Variants in ANK2 observed in about 807,000 individuals in gnomAD.
ANK2 encodes ankyrin 2, also known as ankyrin-2.
In ANK2, 83 loss-of-function variants were observed where a neutral mutation model predicts 360.5. The observed-to-expected ratio is 0.23, with a 90% CI of 0.19 to 0.28. The LOEUF (loss-of-function observed/expected upper bound fraction) is 0.28. ANK2 is among the 10% of genes least tolerant of loss of function. The pLI is 1.00. For synonymous variants in ANK2, 1,740 were observed against 1,759.5 expected (o/e 0.99, Z 0.28); for missense variants, 4,201 against 4,795.7 (o/e 0.88, Z 3.66).
chr4:112,935,408 A>G (rs1362609349), intron 2 of ANK2, among the ~76,000 whole-genome samples: 2 of 152,216 alleles, frequency 1.3e-5, no homozygotes, highest in Non-Finnish European at 2.9e-5. Context: ...TGGGGCAGGC[A>G]TAGTGCCTAA....
chr4:112,883,128 T>C (rs2077249148), intron 1 of ANK2, among the ~76,000 whole-genome samples: 2 of 139,714 alleles, frequency 1.4e-5, no homozygotes, highest in African/African-American at 2.6e-5. Context: ...AACCTCCGTC[T>C]CCCTGGTTCA....
intron 2 of ANK2, among the ~76,000 whole-genome samples, chr4:113,178,293 C>T (rs556213529): frequency 3.3e-5 from 5 of 151,834 alleles, no homozygotes; most frequent in South Asian, 4.2e-4. Context: ...ACAGGCCAGG[C>T]GCAGTGGCTC....
chr4:112,748,826 C>T, the ANK2 span, among the ~76,000 whole-genome samples: 1 of 151,942 alleles, frequency 6.6e-6, no homozygotes, highest in Non-Finnish European at 1.5e-5. Context: ...AGATATTCAA[C>T]TTAGTAAACA....
intron 1 of ANK2, among the ~76,000 whole-genome samples, chr4:113,066,928 T>G (rs1267062158): frequency 6.6e-6 from 1 of 152,106 alleles, no homozygotes; most frequent in Non-Finnish European, 1.5e-5. Context: ...ATACATAAAG[T>G]GCTTAGAATA....
At chr4:113,367,486 C>T (rs2096579363) in intron 41 of ANK2, 80 bp from the exon 42 acceptor site, 3 of 1,311,984 alleles carry the variant, frequency 2.3e-6, no homozygotes, top group Admixed American at 3.7e-5. Context: ...TTTTTTTTAT[C>T]CTCTTATATT....
chr4:113,354,888 C>T lies in ANK2; in HGVS notation c.6270C>T (p.His2090=), dbSNP rs1289265372. The stretch of plus-strand genomic sequence containing the variant: ...GAGGAAAGGAGAAAGTTCTCAGCCA[C>T]AAAATACCTGAACCTGTTCAGTCAG... The part of the protein sequence containing the change: ...AAGGKEKVLS[H]KIPEPVQSVP... Residue 2090 remains histidine, a synonymous_variant, in exon 38 of 46, where the codon CAC becomes CAT. Transcript: ENST00000357077. 5.6e-6 allele frequency: 9 copies of T among 1,614,054 alleles called. No homozygotes were observed. The highest frequency in any genetic ancestry group is 3.3e-5 in the Admixed American group (2 of 60,006).
At chr4:113,167,693 A>G (rs2097795849) in intron 1 of ANK2, among the ~76,000 whole-genome samples, 1 of 152,212 alleles carries the variant, frequency 6.6e-6, no homozygotes, top group Admixed American at 6.5e-5. Context: ...ATATGTAGGA[A>G]GTGTACATAC....
chr4:112,776,167 T>C, the ANK2 span, among the ~76,000 whole-genome samples: 1 of 152,188 alleles, frequency 6.6e-6, no homozygotes, highest in Non-Finnish European at 1.5e-5. Flanking sequence ...AAAAACATCC[T>C]TTCCCTTCTA....
intron 1 of ANK2, among the ~76,000 whole-genome samples, chr4:112,857,231 A>T (rs1274151062): frequency 6.6e-6 from 1 of 152,198 alleles, no homozygotes; most frequent in Admixed American, 6.5e-5. Context: ...TTTTAAAAGA[A>T]ACTTTTAAAG....
In ANK2 at chr4:112,821,859, T is replaced by C. The variant is rs553607281; in HGVS notation, c.-40+3595T>C. On this transcript the variant is annotated intron_variant, in intron 1 of 30. Transcript: ENST00000503271. ...TTGGCTTAATGCCACCTCCGCATCCTGGGCTCAAGCCATCCTCCTATCTCA... is the reference window on the plus strand; with the variant it reads ...TTGGCTTAATGCCACCTCCGCATCCCGGGCTCAAGCCATCCTCCTATCTCA... 1.3e-4 allele frequency among the ~76,000 whole-genome samples: 20 copies of C among 151,894 alleles called. No individual in the cohort carries two copies. In the East Asian group the frequency reaches 3.3e-3, roughly 25 times the overall value.
At chr4:112,859,534 G>C (rs752266800) in intron 1 of ANK2, among the ~76,000 whole-genome samples, 6 of 152,152 alleles carry the variant, frequency 3.9e-5, no homozygotes, top group Non-Finnish European at 8.8e-5. Flanking sequence ...CAGCCCTCAG[G>C]GAGGAGAGCT....
chr4:113,008,324 A>G (rs2053601604), intron 2 of ANK2, among the ~76,000 whole-genome samples: 1 of 152,118 alleles, frequency 6.6e-6, no homozygotes, highest in Admixed American at 6.5e-5. Context: ...GCCTCACATG[A>G]TTACCATCTG....
intron 4 of ANK2, among the ~76,000 whole-genome samples, chr4:113,200,955 G>A (rs1203702043): frequency 4.6e-5 from 7 of 152,110 alleles, no homozygotes; most frequent in African/African-American, 1.7e-4. Context: ...GTTGATGGGT[G>A]CAGCAAACCA....
chr4:112,754,936 T>C, the ANK2 span, among the ~76,000 whole-genome samples: 1 of 152,170 alleles, frequency 6.6e-6, no homozygotes, highest in Non-Finnish European at 1.5e-5. Context: ...ATTTTTTTAC[T>C]TTTTTTACCT....
intron 1 of ANK2, among the ~76,000 whole-genome samples, chr4:113,139,703 G>C (rs1048818541): frequency 6.6e-6 from 1 of 152,188 alleles, no homozygotes; most frequent in African/African-American, 2.4e-5. Flanking sequence ...GTCAGTCAGC[G>C]ACATTTATTG....
chr4:112,801,336 T>C, the ANK2 span, among the ~76,000 whole-genome samples: 1 of 152,228 alleles, frequency 6.6e-6, no homozygotes, highest in Non-Finnish European at 1.5e-5. Context: ...TACACAGTGC[T>C]TTGCTCCTGA....
chr4:113,118,679 T>G (rs2095088406), intron 1 of ANK2, among the ~76,000 whole-genome samples: 1 of 152,220 alleles, frequency 6.6e-6, no homozygotes, highest in South Asian at 2.1e-4. Context: ...TGTTTCAAGA[T>G]TGCATTAATT....
chr4:112,918,246 G>A (rs192274359), intron 2 of ANK2, among the ~76,000 whole-genome samples: 14 of 152,254 alleles, frequency 9.2e-5, no homozygotes, highest in East Asian at 1.9e-4. Context: ...GTGGACTAGC[G>A]TGCTCCTGAG....
intron 4 of ANK2, among the ~76,000 whole-genome samples, chr4:113,218,206 C>T (rs1449817478): frequency 7.2e-5 from 11 of 152,264 alleles, no homozygotes; most frequent in Admixed American, 3.9e-4. Flanking sequence ...TGAAACAAGA[C>T]TTTGATTATT....
Sources: allele counts gnomAD v4.1 joint callset (sites outside exome capture counted in the v4.1 genomes callset), GRCh38; gene constraint gnomAD v4.1.1; transcripts MANE v1.5; gene names NCBI Gene and HGNC (gene_info 2026-07-23, HGNC 2026-07-21).